Variants in CLSTN2 observed in about 807,000 individuals in gnomAD.
CLSTN2 encodes the protein calsyntenin 2.
CLSTN2 carries 48 observed loss-of-function variants against 101.2 expected under a neutral mutation model. The ratio of observed to expected loss-of-function variants is 0.47; its 90% CI spans 0.38 to 0.60. The LOEUF (loss-of-function observed/expected upper bound fraction) is 0.60, where lower values mean the gene tolerates loss of function less well. Among genes scored for constraint, CLSTN2 ranks in the 20% least tolerant of loss-of-function variants. CLSTN2 has a pLI of 0.00. For synonymous variants in CLSTN2, 481 were observed against 463.6 expected (o/e 1.04, Z -0.48); for missense variants, 1,160 against 1,238.2 (o/e 0.94, Z 0.95).
At chr3:140,525,957 C>T (rs527399402) in intron 8 of CLSTN2, among the ~76,000 whole-genome samples, 1 of 152,188 alleles carries the variant, frequency 6.6e-6, no homozygotes, top group Admixed American at 6.5e-5. Flanking sequence ...AAACCCACAG[C>T]CAACATTATA....
chr3:140,344,136 G>T (rs1409662318), intron 2 of CLSTN2, among the ~76,000 whole-genome samples: 1 of 152,122 alleles, frequency 6.6e-6, no homozygotes. Flanking sequence ...ACAAGCTACC[G>T]CAGCGTTCAC....
intron 1 of CLSTN2, among the ~76,000 whole-genome samples, chr3:140,078,647 A>C (rs762253227): frequency 6.6e-6 from 1 of 152,202 alleles, no homozygotes; most frequent in African/African-American, 2.4e-5. Flanking sequence ...CTGTGGGGTT[A>C]ATGGTAAGCT....
intron 2 of CLSTN2, among the ~76,000 whole-genome samples, chr3:140,357,667 A>G (rs2087687658): frequency 6.6e-6 from 1 of 152,150 alleles, no homozygotes; most frequent in Admixed American, 6.5e-5. Context: ...AAGAGAGAGC[A>G]GGGCAGAGAC....
chr3:140,464,734 G>A (rs893873837), intron 7 of CLSTN2, among the ~76,000 whole-genome samples: 19 of 152,146 alleles, frequency 1.2e-4, no homozygotes, highest in Admixed American at 1.0e-3. Context: ...ATCAACAGAA[G>A]CCACAGAAAA....
At chr3:140,071,835 A>T (rs1198625597) in intron 1 of CLSTN2, among the ~76,000 whole-genome samples, 6 of 88,366 alleles carry the variant, frequency 6.8e-5, no homozygotes, top group Non-Finnish European at 1.5e-4. Context: ...CGTCTAAAAA[A>T]TAAATAAATA....
At chr3:140,511,050 C>A (rs1160003732) in intron 8 of CLSTN2, among the ~76,000 whole-genome samples, 1 of 152,110 alleles carries the variant, frequency 6.6e-6, no homozygotes, top group African/African-American at 2.4e-5. Context: ...TGTGCTGTTC[C>A]CCCCACCATG....
rs1576595579 is a variant in CLSTN2 at position 140,490,091 on chromosome 3, T to C, written c.1344+23360T>C. Among the ~76,000 whole-genome samples, 4 of 3,484 alleles carry C rather than the reference T, an allele frequency of 1.1e-3. 1 individual carries two copies. The highest frequency in any genetic ancestry group is 7.1e-3 in the African/African-American group (4 of 564). The allele number at this position is 3,484 out of a possible 152,430, so 2.3% of individuals were successfully genotyped here. ...GTGTGTGTGTGTGTGTGTGTGTGTA[T>C]ATATATATATATATATATATATATA... On this transcript the variant is annotated intron_variant, in intron 8 of 16. Coordinates refer to ENST00000458420, the MANE Select transcript of CLSTN2 (RefSeq NM_022131.3).
intron 2 of CLSTN2, among the ~76,000 whole-genome samples, chr3:140,315,383 C>T (rs2107919856): frequency 6.6e-6 from 1 of 152,310 alleles, no homozygotes; most frequent in African/African-American, 2.4e-5. Context: ...CTGTGTCAGC[C>T]CTAATTAATG....
At chr3:140,223,651 A>T (rs2086294366) in intron 2 of CLSTN2, among the ~76,000 whole-genome samples, 1 of 152,170 alleles carries the variant, frequency 6.6e-6, no homozygotes, top group South Asian at 2.1e-4. Context: ...AGAAATGCTG[A>T]GAGCTTCTGA....
intron 1 of CLSTN2, among the ~76,000 whole-genome samples, chr3:140,094,934 G>C (rs542741185): frequency 1.3e-5 from 2 of 152,340 alleles, no homozygotes; most frequent in East Asian, 3.9e-4. Context: ...GGGCTTTGTA[G>C]TCATTGCTGG....
chr3:140,109,822 G>C (rs1444345480), intron 1 of CLSTN2, among the ~76,000 whole-genome samples: 5 of 152,164 alleles, frequency 3.3e-5, no homozygotes, highest in Non-Finnish European at 7.3e-5. Context: ...CTAGTCAGGA[G>C]GCCATGCTTC....
chr3:140,407,624 T>C (rs1002553488), intron 4 of CLSTN2, among the ~76,000 whole-genome samples: 2 of 152,198 alleles, frequency 1.3e-5, no homozygotes, highest in African/African-American at 2.4e-5. Flanking sequence ...ACCTGGATGA[T>C]TGGGACTTGA....
At chr3:140,112,420 G>C (rs1482398928) in intron 1 of CLSTN2, among the ~76,000 whole-genome samples, 1 of 151,914 alleles carries the variant, frequency 6.6e-6, no homozygotes, top group Non-Finnish European at 1.5e-5. Context: ...TTCTGCCATA[G>C]AATATGCATT....
chr3:140,562,391 C>A, intron 13 of CLSTN2, 83 bp downstream of exon 13: 2 of 1,343,294 alleles, frequency 1.5e-6, no homozygotes, highest in East Asian at 2.3e-5. Context: ...GAGATTGCAC[C>A]TGTGAAGGAG....
chr3:140,513,824 GTCTAT>G (rs908950048), intron 8 of CLSTN2, among the ~76,000 whole-genome samples: 2 of 151,736 alleles, frequency 1.3e-5, no homozygotes, highest in Non-Finnish European at 2.9e-5. Flanking sequence ...CTTGTTATTG[GTCTAT>G]TCAGGGATTC....
At chr3:140,334,135 G>C (rs2087418036) in intron 2 of CLSTN2, among the ~76,000 whole-genome samples, 1 of 152,124 alleles carries the variant, frequency 6.6e-6, no homozygotes, top group African/African-American at 2.4e-5. Context: ...AAATGAAAAT[G>C]CTCCTATTTC....
At chr3:139,940,679 A>G (rs1020155659) in intron 1 of CLSTN2, among the ~76,000 whole-genome samples, 1 of 152,116 alleles carries the variant, frequency 6.6e-6, no homozygotes, top group Admixed American at 6.5e-5. Context: ...TAAATATCAT[A>G]TATAAATGTA....
intron 1 of CLSTN2, among the ~76,000 whole-genome samples, chr3:140,015,054 C>T (rs997321528): frequency 6.6e-6 from 1 of 152,192 alleles, no homozygotes; most frequent in Non-Finnish European, 1.5e-5. Flanking sequence ...GCGTGAGCCT[C>T]TTATTCACAT....
At chr3:140,323,713 A>G (rs780915042) in intron 2 of CLSTN2, among the ~76,000 whole-genome samples, 5 of 152,356 alleles carry the variant, frequency 3.3e-5, no homozygotes, top group African/African-American at 7.2e-5. Flanking sequence ...GTTTCACTTT[A>G]TCAGTTCAGA....
Sources: gnomAD v4.1 joint callset for allele counts (sites outside exome capture counted in the v4.1 genomes callset) on GRCh38, gnomAD v4.1.1 for gene constraint, MANE v1.5 for transcripts, NCBI Gene and HGNC (gene_info 2026-07-23, HGNC 2026-07-21) for gene names.